The following IHO1 variants were observed in gnomAD, a reference collection of about 807,000 sequenced individuals.
IHO1 encodes the protein interactor of HORMAD1 protein 1.
IHO1 carries 13 observed loss-of-function variants against 31.0 expected under a neutral mutation model. The observed-to-expected ratio is 0.42, with a 90% CI of 0.27 to 0.67. The LOEUF is 0.67. IHO1 is among the 30% of genes least tolerant of loss of function. The pLI is 0.24. For synonymous variants in IHO1, 221 were observed against 248.4 expected, an observed-to-expected ratio of 0.89 and a Z score of 1.04; for missense variants, 599 against 687.5, an observed-to-expected ratio of 0.87 and a Z score of 1.44.
chr3:49,192,455 A>G, the IHO1 span, among the ~76,000 whole-genome samples: 3 of 152,342 alleles, frequency 2.0e-5, no homozygotes, highest in South Asian at 4.1e-4. Flanking sequence ...TTTAACAACC[A>G]AAAGAAATTG....
chr3:49,242,387 C>CA (rs1438374322), intron 4 of IHO1, among the ~76,000 whole-genome samples: 1 of 152,040 alleles, frequency 6.6e-6, no homozygotes, highest in Non-Finnish European at 1.5e-5. Context: ...CTCGACCTCT[C>CA]AAAGTGCTGG....
At chr3:49,254,659 CAA>C (rs2046802272) in intron 6 of IHO1, among the ~76,000 whole-genome samples, 1 of 152,078 alleles carries the variant, frequency 6.6e-6, no homozygotes, top group African/African-American at 2.4e-5. Flanking sequence ...AGAGAGAAAA[CAA>C]GAGTCCAGAG....
intron 3 of IHO1, among the ~76,000 whole-genome samples, chr3:49,238,015 C>G (rs2107721661): frequency 1.4e-5 from 2 of 144,474 alleles, no homozygotes; most frequent in South Asian, 4.6e-4. Flanking sequence ...AGTAATTCTC[C>G]TGTCTCAGCC....
At chr3:49,231,291 T>C (rs561411656) in intron 2 of IHO1, among the ~76,000 whole-genome samples, 5 of 152,318 alleles carry the variant, frequency 3.3e-5, no homozygotes, top group African/African-American at 1.2e-4. Flanking sequence ...TTTGTGAGTA[T>C]TCTCGATAAT....
intron 6 of IHO1, among the ~76,000 whole-genome samples, chr3:49,249,137 C>T (rs2046730547): frequency 6.6e-6 from 1 of 152,214 alleles, no homozygotes; most frequent in Non-Finnish European, 1.5e-5. Context: ...TCTAATCTAA[C>T]TCTTCCTGTT....
intron 3 of IHO1, among the ~76,000 whole-genome samples, chr3:49,237,174 C>T (rs2046569923): frequency 6.6e-6 from 1 of 152,022 alleles, no homozygotes; most frequent in East Asian, 1.9e-4. Context: ...ATGGTGGAAC[C>T]CCGCCTCTAC....
At chr3:49,225,785 A>G (rs565426489) in intron 2 of IHO1, among the ~76,000 whole-genome samples, 1 of 152,284 alleles carries the variant, frequency 6.6e-6, no homozygotes, top group Non-Finnish European at 1.5e-5. Context: ...GACCTTGAGG[A>G]CAGTCGCCCG....
intron 1 of IHO1, among the ~76,000 whole-genome samples, chr3:49,203,765 A>C (rs1178984506): frequency 1.3e-5 from 2 of 152,192 alleles, no homozygotes; most frequent in African/African-American, 4.8e-5. Flanking sequence ...GGAGTGGTCA[A>C]ATTCTAGATA....
chr3:49,197,467 T>C (rs1053689999), upstream of IHO1, among the ~76,000 whole-genome samples: 19 of 152,192 alleles, frequency 1.2e-4, no homozygotes, highest in Non-Finnish European at 1.5e-5. Context: ...AGCCATGTTT[T>C]AATTTTTATA....
At chr3:49,246,550 A>G (rs2046697578) in intron 6 of IHO1, among the ~76,000 whole-genome samples, 1 of 152,084 alleles carries the variant, frequency 6.6e-6, no homozygotes, top group African/African-American at 2.4e-5. Context: ...TGGGAGGCTG[A>G]GGCAGGAGAA....
chr3:49,255,882 TAAGAC>T (rs1430882029), intron 7 of IHO1, among the ~76,000 whole-genome samples: 1 of 151,826 alleles, frequency 6.6e-6, no homozygotes, highest in Non-Finnish European at 1.5e-5. Flanking sequence ...AATTTTCAGC[TAAGAC>T]AAGAGGCCAG....
intron 2 of IHO1, among the ~76,000 whole-genome samples, chr3:49,221,718 T>C (rs1460608454): frequency 1.3e-5 from 2 of 152,216 alleles, no homozygotes; most frequent in Non-Finnish European, 2.9e-5. Flanking sequence ...GGGTTCCATT[T>C]GTAAGACCAT....
intron 2 of IHO1, among the ~76,000 whole-genome samples, chr3:49,217,653 AAAAAG>A (rs1161081208): frequency 6.6e-6 from 1 of 152,180 alleles, no homozygotes; most frequent in African/African-American, 2.4e-5. Context: ...AAAAAAAAAA[AAAAAG>A]AAAAAATTAT....
intron 3 of IHO1, among the ~76,000 whole-genome samples, chr3:49,237,887 CTTT>C (rs574951773): frequency 5.8e-5 from 3 of 51,440 alleles, no homozygotes; most frequent in East Asian, 6.5e-4. Flanking sequence ...CTGTCTTTTC[CTTT>C]TTTTTTTTTT....
chr3:49,193,198 CTG>C, the IHO1 span, among the ~76,000 whole-genome samples: 1 of 151,746 alleles, frequency 6.6e-6, no homozygotes, highest in Non-Finnish European at 1.5e-5. Flanking sequence ...TGGTGAAACT[CTG>C]TCTCTACCAA....
chr3:49,227,721 A>G (rs1210290095), intron 2 of IHO1, among the ~76,000 whole-genome samples: 1 of 152,144 alleles, frequency 6.6e-6, no homozygotes, highest in Non-Finnish European at 1.5e-5. Flanking sequence ...TAAAGATGTT[A>G]TGCCCCCAAA....
rs771553264 is a variant in IHO1 at position 49,256,734 on chromosome 3, G to A, written c.1237G>A (p.Ala413Thr). The change falls in exon 8 of 8, where the codon GCC becomes ACC. Residue 413 changes from alanine to threonine, a missense_variant. Coordinates refer to ENST00000452691, the MANE Select transcript of IHO1 (RefSeq NM_001135197.2). This position sits in a 1 kb window ranked among gnomAD's most constrained non-coding sequence, Gnocchi z 4.6. ...SIKNACQKYQ[A>T]QSMFLCDPRE... ...TAAGAATGCCTGCCAAAAATATCAA[G>A]CCCAAAGTATGTTTTTGTGTGACCC... is the stretch of plus-strand genomic sequence containing the variant. 9 of 1,614,032 alleles carry A rather than the reference G, an allele frequency of 5.6e-6. No homozygotes were observed. The Admixed American group carries it at 1.0e-4, about 18-fold the overall frequency.
intron 2 of IHO1, among the ~76,000 whole-genome samples, chr3:49,229,920 C>T (rs923501616): frequency 1.3e-5 from 2 of 152,060 alleles, no homozygotes; most frequent in Non-Finnish European, 2.9e-5. Context: ...GTTTTACAGC[C>T]CTCAAAGTCA....
chr3:49,215,247 G>A (rs370295008), intron 2 of IHO1, among the ~76,000 whole-genome samples: 64 of 151,642 alleles, frequency 4.2e-4, no homozygotes, highest in African/African-American at 1.5e-3. Context: ...ACGAGGTTTC[G>A]CTATGTTGGC....
Sources: allele counts gnomAD v4.1 joint callset (sites outside exome capture counted in the v4.1 genomes callset), GRCh38; gene constraint gnomAD v4.1.1; non-coding constraint Gnocchi (gnomAD v3.1); transcripts MANE v1.5; gene names NCBI Gene and HGNC (gene_info 2026-07-23, HGNC 2026-07-21).